The following PLEKHG1 variants were observed in gnomAD, a reference collection of about 807,000 sequenced individuals.
The protein encoded by PLEKHG1 is pleckstrin homology and RhoGEF domain containing G1, also known as pleckstrin homology domain-containing family G member 1.
PLEKHG1 carries 44 observed loss-of-function variants against 100.8 expected under a neutral mutation model. The observed-to-expected ratio is 0.44, with a 90% confidence interval of 0.34 to 0.56. PLEKHG1 has a LOEUF of 0.56. Ranked by LOEUF, PLEKHG1 falls within the 20% of genes least tolerant of loss-of-function variation. The pLI, the probability that PLEKHG1 is intolerant of heterozygous loss-of-function variation, is 0.01. For missense variants in PLEKHG1, 1,545 were observed against 1,720.9 expected (o/e 0.90, Z 1.81); for synonymous variants, 640 against 662.5 (o/e 0.97, Z 0.52).
intron 14 of PLEKHG1, among the ~76,000 whole-genome samples, chr6:150,823,896 C>A (rs1316941591): frequency 1.3e-5 from 2 of 152,188 alleles, no homozygotes; most frequent in Non-Finnish European, 2.9e-5. Context: ...CATCTGAGAA[C>A]CATGGTGATT....
intron 3 of PLEKHG1, among the ~76,000 whole-genome samples, chr6:150,668,123 T>C (rs1443556552): frequency 2.6e-5 from 4 of 152,340 alleles, no homozygotes; most frequent in African/African-American, 9.6e-5. Flanking sequence ...TTTCTTTGAA[T>C]TAGTGAAGGT....
intron 7 of PLEKHG1, among the ~76,000 whole-genome samples, chr6:150,807,034 C>G (rs950714162): frequency 6.6e-6 from 1 of 152,120 alleles, no homozygotes; most frequent in Non-Finnish European, 1.5e-5. Flanking sequence ...GCTTGGTTAT[C>G]AGATCGACTG....
intron 1 of PLEKHG1, among the ~76,000 whole-genome samples, chr6:150,726,091 G>A (rs1443840709): frequency 6.6e-6 from 1 of 152,114 alleles, no homozygotes; most frequent in Admixed American, 6.6e-5. Flanking sequence ...AAAGACTAGA[G>A]TGGTGCTTGC....
At chr6:150,668,621 C>G (rs1458453670) in intron 3 of PLEKHG1, among the ~76,000 whole-genome samples, 2 of 152,168 alleles carry the variant, frequency 1.3e-5, no homozygotes, top group African/African-American at 4.8e-5. Flanking sequence ...ACATTCCACT[C>G]AGCTGGGCGC....
At chr6:150,732,946 C>T (rs976709345) in intron 1 of PLEKHG1, among the ~76,000 whole-genome samples, 2 of 152,174 alleles carry the variant, frequency 1.3e-5, no homozygotes, top group Non-Finnish European at 2.9e-5. Flanking sequence ...CTTTTTCTTG[C>T]CTAGTATTAG....
chr6:150,828,274 A>C, intron 14 of PLEKHG1: 2 of 1,613,132 alleles, frequency 1.2e-6, no homozygotes, highest in Non-Finnish European at 1.7e-6. Context: ...ATCTGGAGCA[A>C]TTACGACAGA....
intron 2 of PLEKHG1, among the ~76,000 whole-genome samples, chr6:150,764,629 T>G (rs1322123008): frequency 6.6e-6 from 1 of 152,204 alleles, no homozygotes; most frequent in Non-Finnish European, 1.5e-5. Context: ...CTGGCTGGCC[T>G]GAAATCTAGC....
chr6:150,703,755 C>T (rs1780897227), intron 3 of PLEKHG1, among the ~76,000 whole-genome samples: 1 of 152,128 alleles, frequency 6.6e-6, no homozygotes, highest in Non-Finnish European at 1.5e-5. Context: ...TGTCTCTCTA[C>T]CCTGGCAATA....
At chr6:150,752,565 A>T (rs1193304302) in intron 2 of PLEKHG1, among the ~76,000 whole-genome samples, 2 of 152,180 alleles carry the variant, frequency 1.3e-5, no homozygotes, top group Non-Finnish European at 2.9e-5. Flanking sequence ...CAGCTGGCTC[A>T]TTTCACTCAG....
At chr6:150,736,170 C>T (rs1298846816) in intron 2 of PLEKHG1, among the ~76,000 whole-genome samples, 3 of 152,186 alleles carry the variant, frequency 2.0e-5, no homozygotes, top group Non-Finnish European at 2.9e-5. Context: ...GGGGCCTGGA[C>T]ATGCCAGTAC....
intron 2 of PLEKHG1, among the ~76,000 whole-genome samples, chr6:150,639,441 C>T (rs1201106287): frequency 2.0e-5 from 3 of 151,830 alleles, no homozygotes; most frequent in Non-Finnish European, 2.9e-5. Flanking sequence ...TTTGGAACTA[C>T]GTATTATTGT....
chr6:150,615,934 TG>T (rs1183570690), intron 1 of PLEKHG1, among the ~76,000 whole-genome samples: 1 of 152,222 alleles, frequency 6.6e-6, no homozygotes, highest in East Asian at 1.9e-4. Flanking sequence ...GCTTGTCATA[TG>T]TTTACTAATT....
At chr6:150,837,237 G>T (rs2128692634) in intron 15 of PLEKHG1, among the ~76,000 whole-genome samples, 1 of 150,350 alleles carries the variant, frequency 6.7e-6, no homozygotes, top group Non-Finnish European at 1.5e-5. Flanking sequence ...GTGTGTGTCT[G>T]CATGTGTGTG....
intron 5 of PLEKHG1, among the ~76,000 whole-genome samples, chr6:150,799,448 G>A (rs987811371): frequency 2.0e-5 from 3 of 152,204 alleles, no homozygotes; most frequent in Non-Finnish European, 2.9e-5. Context: ...CGCAAACCCA[G>A]CCAGGTCCTT....
intron 3 of PLEKHG1, among the ~76,000 whole-genome samples, chr6:150,774,225 T>C (rs1784839156): frequency 6.6e-6 from 1 of 152,230 alleles, no homozygotes; most frequent in Non-Finnish European, 1.5e-5. Flanking sequence ...TCCTATACAA[T>C]ATTGTTTAGA....
At chr6:150,659,290 A>T (rs1401927062) in intron 3 of PLEKHG1, among the ~76,000 whole-genome samples, 1 of 149,050 alleles carries the variant, frequency 6.7e-6, no homozygotes, top group East Asian at 2.0e-4. Context: ...GCTCCAAGGC[A>T]TTTTTTTTTT....
intron 2 of PLEKHG1, among the ~76,000 whole-genome samples, chr6:150,645,231 T>C (rs980242937): frequency 3.3e-5 from 5 of 152,172 alleles, no homozygotes; most frequent in African/African-American, 1.2e-4. Context: ...AAGAATAAAT[T>C]AGTAAATGAC....
chr6:150,713,758 G>C (rs187962807), intron 3 of PLEKHG1, among the ~76,000 whole-genome samples: 2 of 152,134 alleles, frequency 1.3e-5, no homozygotes, highest in African/African-American at 2.4e-5. Flanking sequence ...GGGAAGGGGT[G>C]GGGGGCAGTT....
chr6:150,707,984 G>T (rs1163409372), intron 3 of PLEKHG1, among the ~76,000 whole-genome samples: 1 of 152,032 alleles, frequency 6.6e-6, no homozygotes, highest in Non-Finnish European at 1.5e-5. Context: ...CCCCTGCCCC[G>T]GATATTCAGC....
Sources: gnomAD v4.1 joint callset for allele counts (sites outside exome capture counted in the v4.1 genomes callset) on GRCh38, gnomAD v4.1.1 for gene constraint, MANE v1.5 for transcripts, NCBI Gene and HGNC (gene_info 2026-07-23, HGNC 2026-07-21) for gene names.